Variants in AKT3 observed in about 807,000 individuals in gnomAD.
The protein encoded by AKT3 is AKT serine/threonine kinase 3, also known as RAC-gamma serine/threonine-protein kinase.
A neutral mutation model predicts 65.3 loss-of-function variants in AKT3; 15 were observed. The observed-to-expected ratio is 0.23, with a 90% CI of 0.15 to 0.35. AKT3 has a LOEUF of 0.35. Among genes scored for constraint, AKT3 ranks in the 10% least tolerant of loss-of-function variants. The pLI is 1.00. For synonymous variants in AKT3, 206 were observed against 183.8 expected (o/e 1.12, Z -0.98); for missense variants, 243 against 576.5 (o/e 0.42, Z 5.92).
intron 13 of AKT3, among the ~76,000 whole-genome samples, chr1:243,489,838 C>T (rs1665944840): frequency 6.6e-6 from 1 of 152,144 alleles, no homozygotes; most frequent in Admixed American, 6.5e-5. Context: ...AGGTTAGATC[C>T]GGGGCCACCA....
chr1:243,815,137 G>C (rs548900526), intron 2 of AKT3, among the ~76,000 whole-genome samples: 3 of 152,042 alleles, frequency 2.0e-5, no homozygotes, highest in Admixed American at 1.3e-4. Flanking sequence ...ATACGAAGAG[G>C]CTGGGAATTT....
intron 8 of AKT3, among the ~76,000 whole-genome samples, chr1:243,586,597 C>T (rs1461233070): frequency 1.3e-5 from 2 of 152,114 alleles, no homozygotes; most frequent in Non-Finnish European, 2.9e-5. Context: ...CAGCTGGAGG[C>T]CATTATCCGG....
intron 2 of AKT3, among the ~76,000 whole-genome samples, chr1:243,768,786 G>T (rs1689987033): frequency 7.0e-6 from 1 of 143,404 alleles, no homozygotes; most frequent in African/African-American, 2.6e-5. Flanking sequence ...AGTGAGCAAA[G>T]ATCACGCCTG....
intron 2 of AKT3, among the ~76,000 whole-genome samples, chr1:243,743,821 G>C (rs80206976): frequency 0.023 from 3,458 of 152,238 alleles, 123 homozygotes; most frequent in African/African-American, 0.079. Context: ...ACCAGCCTCA[G>C]CAACCATAGG....
intron 2 of AKT3, among the ~76,000 whole-genome samples, chr1:243,801,191 C>T (rs1692360185): frequency 6.6e-6 from 1 of 152,022 alleles, no homozygotes. Context: ...TTCCTCAGGG[C>T]CTATCCCATA....
downstream of AKT3, among the ~76,000 whole-genome samples, chr1:243,496,432 G>A (rs1667912991): frequency 6.6e-6 from 1 of 152,224 alleles, no homozygotes; most frequent in Admixed American, 6.5e-5. Context: ...GGTAGGGGGA[G>A]GGGCCTGCCC....
At chr1:243,587,506 G>A (rs1398683449) in intron 8 of AKT3, among the ~76,000 whole-genome samples, 2 of 152,120 alleles carry the variant, frequency 1.3e-5, no homozygotes, top group African/African-American at 2.4e-5. Flanking sequence ...AGCTACTCAG[G>A]AGGCTGAGGC....
chr1:243,757,927 A>AT (rs1470011801), intron 2 of AKT3, among the ~76,000 whole-genome samples: 1 of 151,786 alleles, frequency 6.6e-6, no homozygotes, highest in Non-Finnish European at 1.5e-5. Context: ...CATCCAGCTA[A>AT]TTTTTTTGTA....
At chr1:243,733,606 A>G (rs140299110) in intron 2 of AKT3, among the ~76,000 whole-genome samples, 8 of 152,348 alleles carry the variant, frequency 5.3e-5, no homozygotes, top group Non-Finnish European at 1.0e-4. Context: ...TCTATATACA[A>G]GTTATATCTC....
Position 243,592,206 on chromosome 1 carries a change from G to A in AKT3, c.697-19158C>T, listed in dbSNP as rs531614307. Among the ~76,000 whole-genome samples the A allele has an allele frequency of 5.3e-4, 81 of 152,130 alleles. 1 individual carries two copies. The highest frequency in any genetic ancestry group is 1.8e-3 in the African/African-American group (75 of 41,516). The stretch of plus-strand genomic sequence containing the variant: ...AAAAATTAGCTGGGCTTGGTGGCAG[G>A]AGCCTGTAGTCCCAGCTACTCTGGA... On this transcript the variant is annotated intron_variant, in intron 8 of 13. Coordinates refer to ENST00000673466, the MANE Select transcript of AKT3 (RefSeq NM_005465.7).
intron 10 of AKT3, among the ~76,000 whole-genome samples, chr1:243,557,538 C>A (rs1001563336): frequency 1.3e-5 from 2 of 151,934 alleles, no homozygotes; most frequent in Admixed American, 6.6e-5. Context: ...CATTTTAGTT[C>A]ATATTTAAAC....
intron 2 of AKT3, among the ~76,000 whole-genome samples, chr1:243,806,491 A>G (rs1272286053): frequency 1.3e-5 from 2 of 152,148 alleles, no homozygotes; most frequent in Admixed American, 6.5e-5. Context: ...GCATTAACTG[A>G]CTACACCAGT....
chr1:243,540,253 G>GT (rs1350929245), intron 12 of AKT3, among the ~76,000 whole-genome samples: 1 of 151,868 alleles, frequency 6.6e-6, no homozygotes, highest in South Asian at 2.1e-4. Flanking sequence ...TGAACAAGTG[G>GT]TTTTTTTCAA....
chr1:243,849,207 G>A (rs1695643970), intron 1 of AKT3, among the ~76,000 whole-genome samples: 1 of 152,214 alleles, frequency 6.6e-6, no homozygotes. Context: ...CAAGGAAGAG[G>A]CTGGTCTGTT....
At chr1:243,644,680 G>A (rs762177970) in intron 5 of AKT3, among the ~76,000 whole-genome samples, 11 of 151,796 alleles carry the variant, frequency 7.2e-5, no homozygotes, top group Non-Finnish European at 1.3e-4. Flanking sequence ...TACTCCAACT[G>A]AGTCTCCAAA....
At chr1:243,576,074 G>A (rs1291861603) in intron 8 of AKT3, among the ~76,000 whole-genome samples, 1 of 152,030 alleles carries the variant, frequency 6.6e-6, no homozygotes. Flanking sequence ...GCATAATTTG[G>A]ATCCACATAT....
chr1:243,780,628 G>A (rs1488278191), intron 2 of AKT3, among the ~76,000 whole-genome samples: 1 of 151,126 alleles, frequency 6.6e-6, no homozygotes, highest in East Asian at 1.9e-4. Flanking sequence ...GAGAAAGAGA[G>A]GGAACAGAGG....
chr1:243,730,114 C>T (rs138690803), intron 2 of AKT3, among the ~76,000 whole-genome samples: 297 of 152,276 alleles, frequency 2.0e-3, no homozygotes, highest in Admixed American at 6.1e-3. Context: ...ATTTCCTTTA[C>T]GCCTTTCAGC....
At chr1:243,562,592 T>C (rs138168718) in intron 10 of AKT3, among the ~76,000 whole-genome samples, 1 of 152,228 alleles carries the variant, frequency 6.6e-6, no homozygotes, top group Non-Finnish European at 1.5e-5. Flanking sequence ...CCTAGGACAT[T>C]TGCTTTTAGG....
Sources: allele counts gnomAD v4.1 joint callset (sites outside exome capture counted in the v4.1 genomes callset), GRCh38; gene constraint gnomAD v4.1.1; transcripts MANE v1.5; gene names NCBI Gene and HGNC (gene_info 2026-07-23, HGNC 2026-07-21).